The following CUX1 variants were observed in gnomAD, a reference collection of about 807,000 sequenced individuals.
CUX1 encodes the protein cut like homeobox 1.
In CUX1, 31 loss-of-function variants were observed where a neutral mutation model predicts 158.8. That is an observed-to-expected ratio of 0.20 (90% CI 0.15 to 0.26). The LOEUF (loss-of-function observed/expected upper bound fraction) is 0.26. CUX1 is among the 10% of genes least tolerant of loss of function. CUX1 has a pLI of 1.00. For synonymous variants in CUX1, 879 were observed against 862.1 expected (o/e 1.02, Z -0.34); for missense variants, 1,589 against 2,014.6 (o/e 0.79, Z 4.04).
chr7:102,118,003 T>C (rs1383676337), intron 8 of CUX1, among the ~76,000 whole-genome samples: 1 of 152,212 alleles, frequency 6.6e-6, no homozygotes, highest in Non-Finnish European at 1.5e-5. Context: ...TCTTGGCTAC[T>C]TTCTTTTAAC....
At chr7:101,988,541 G>A (rs1003038653) in intron 2 of CUX1, among the ~76,000 whole-genome samples, 4 of 152,050 alleles carry the variant, frequency 2.6e-5, no homozygotes, top group Admixed American at 6.6e-5. Flanking sequence ...CTCCAGGTCC[G>A]ATTCCACAGC....
chr7:102,084,776 T>G (rs1554479824), intron 4 of CUX1, among the ~76,000 whole-genome samples: 2 of 151,602 alleles, frequency 1.3e-5, no homozygotes, highest in Non-Finnish European at 2.9e-5. Flanking sequence ...ATCAGTTAGG[T>G]CAAGTTGGTT....
At chr7:102,270,133 T>C (rs1791109672) in intron 14 of CUX1, among the ~76,000 whole-genome samples, 1 of 152,226 alleles carries the variant, frequency 6.6e-6, no homozygotes, top group Non-Finnish European at 1.5e-5. Flanking sequence ...GTGAAATTCA[T>C]AAAAGGCAGG....
rs1554540859 is a variant in CUX1, at chr7:102,253,429, G to C, written c.*4387G>C. 1 of 985,364 alleles carries C rather than the reference G, an allele frequency of 1.0e-6. No individual in the cohort carries two copies. The highest frequency in any genetic ancestry group is 6.2e-5 in the Admixed American group (1 of 16,258). The allele number at this position is 985,364 out of a possible 1,614,324, so 61.0% of individuals were successfully genotyped here. On this transcript the variant is annotated 3_prime_UTR_variant, in exon 24 of 24. Transcript: ENST00000292535. The stretch of plus-strand genomic sequence containing the variant: ...AAGAGAGGGGAACAGGAGTCCCCAG[G>C]TGAGCTCTCTGACGGGCAGGTGCCT...
Position 102,248,529 on chromosome 7 carries a change from C to A in CUX1, c.4005C>A (p.Gly1335=). 6.6e-7 allele frequency: 1 copy of A among 1,519,396 alleles called. No individual in the cohort carries two copies. Among genetic ancestry groups the A allele is most frequent in the Admixed American group, 2.1e-5 (1 of 47,398 alleles). 94.1% of individuals were successfully genotyped at this position (1,519,396 alleles called of 1,614,324 possible). A position where few individuals can be genotyped will look rare whatever the true frequency, so the allele number is the denominator to read the frequency against. The stretch of plus-strand genomic sequence containing the variant: ...GCCGGGCGGCGCCCAGCTCGGAGGG[C>A]GACAGCTGCGACGGCGTGGAGGCCA... The part of the protein sequence containing the change: ...RSGRAAPSSE[G]DSCDGVEATE... Residue 1335 remains glycine (G), a synonymous_variant, in exon 24 of 24, where the codon GGC becomes GGA. Coordinates refer to ENST00000292535, the MANE Select transcript of CUX1 (RefSeq NM_181552.4). This position sits in a 1 kb window ranked among gnomAD's most constrained non-coding sequence, Gnocchi z 5.8.
At chr7:102,029,358 T>C (rs946927553) in intron 3 of CUX1, among the ~76,000 whole-genome samples, 4 of 151,916 alleles carry the variant, frequency 2.6e-5, no homozygotes, top group African/African-American at 7.2e-5. Flanking sequence ...AGGAGAGATA[T>C]GGCCGTGAGA....
chr7:102,221,359 T>G (rs1554526848), intron 20 of CUX1, among the ~76,000 whole-genome samples: 1 of 152,210 alleles, frequency 6.6e-6, no homozygotes, highest in African/African-American at 2.4e-5. Flanking sequence ...GCTTGCTGAC[T>G]TCCCACCTTC....
At chr7:102,195,304 C>T (rs983614130) in intron 13 of CUX1, among the ~76,000 whole-genome samples, 2 of 152,146 alleles carry the variant, frequency 1.3e-5, no homozygotes, top group African/African-American at 2.4e-5. Context: ...CAACTAGAAT[C>T]CATTCTTTCT....
chr7:102,099,620 A>G (rs960878501), intron 5 of CUX1, among the ~76,000 whole-genome samples: 3 of 151,932 alleles, frequency 2.0e-5, no homozygotes, highest in Non-Finnish European at 2.9e-5. Context: ...GTGCAGTTGC[A>G]TGATCATAGC....
chr7:101,873,600 T>C (rs1181085786), intron 1 of CUX1, among the ~76,000 whole-genome samples: 1 of 152,080 alleles, frequency 6.6e-6, no homozygotes, highest in Non-Finnish European at 1.5e-5. Context: ...GAAGAAGAGG[T>C]ATATTTTCTT....
intron 1 of CUX1, among the ~76,000 whole-genome samples, chr7:101,828,676 C>T (rs1793659046): frequency 6.7e-6 from 1 of 149,800 alleles, no homozygotes; most frequent in African/African-American, 2.5e-5. Context: ...AGGTCGGCCC[C>T]ATTTCAGAGC....
rs782482609 is a variant in CUX1, at chr7:102,168,938, C to CT, written c.724-1497dup. 2.5e-3 allele frequency among the ~76,000 whole-genome samples: 134 copies of CT among 52,658 alleles called. 2 individuals carry two copies. Among genetic ancestry groups the CT allele is most frequent in the East Asian group, 0.011 (44 of 3,916 alleles). The allele number at this position is 52,658 out of a possible 152,430, so 34.5% of individuals were successfully genotyped here. A position where few individuals can be genotyped will look rare whatever the true frequency, so the allele number is the denominator to read the frequency against. On this transcript the variant is annotated intron_variant, in intron 9 of 23. Transcript: ENST00000292535. ...ATTTTCTTTTCTTTTCTTTTATTTT[C>CT]TTTTTTTTTTTGAGATGTGGTTTTG...
intron 6 of CUX1, 115 bp downstream of exon 6, chr7:102,104,574 T>C: frequency 1.5e-6 from 2 of 1,351,374 alleles, no homozygotes; most frequent in Non-Finnish European, 2.0e-6. Flanking sequence ...TAACCCCAAA[T>C]CTATAAGGGG....
At chr7:101,915,548 G>A (rs562563392) in intron 1 of CUX1, among the ~76,000 whole-genome samples, 1 of 152,284 alleles carries the variant, frequency 6.6e-6, no homozygotes, top group South Asian at 2.1e-4. Flanking sequence ...TAATGGTCTC[G>A]AACATGATGC....
At chr7:102,061,054 A>G (rs1002265270) in intron 3 of CUX1, among the ~76,000 whole-genome samples, 1 of 149,764 alleles carries the variant, frequency 6.7e-6, no homozygotes, top group African/African-American at 2.5e-5. Context: ...CCTCCCCAGT[A>G]GCTGGGATTA....
At chr7:101,939,902 G>T (rs1230950744) in intron 2 of CUX1, among the ~76,000 whole-genome samples, 2 of 152,082 alleles carry the variant, frequency 1.3e-5, no homozygotes, top group Non-Finnish European at 2.9e-5. Context: ...CCGACATGGT[G>T]AAACCCCATC....
chr7:102,084,185 T>C (rs914657285), intron 4 of CUX1, among the ~76,000 whole-genome samples: 2 of 143,840 alleles, frequency 1.4e-5, no homozygotes, highest in East Asian at 1.9e-4. Flanking sequence ...AAGTTTATTT[T>C]CTTTTGAAAT....
At chr7:102,141,135 C>T (rs754799063) in intron 8 of CUX1, among the ~76,000 whole-genome samples, 4 of 151,986 alleles carry the variant, frequency 2.6e-5, no homozygotes, top group African/African-American at 9.7e-5. Flanking sequence ...ACTTCACAAG[C>T]AGAATAGGAA....
intron 23 of CUX1, among the ~76,000 whole-genome samples, chr7:102,244,151 A>G (rs975023590): frequency 6.6e-6 from 1 of 152,352 alleles, no homozygotes; most frequent in Non-Finnish European, 1.5e-5. Context: ...TGCTTTGTAC[A>G]GACCAACCTG....
Sources: gnomAD v4.1 joint callset for allele counts (sites outside exome capture counted in the v4.1 genomes callset) on GRCh38, gnomAD v4.1.1 for gene constraint, Gnocchi (gnomAD v3.1) non-coding constraint, MANE v1.5 for transcripts, NCBI Gene and HGNC (gene_info 2026-07-23, HGNC 2026-07-21) for gene names.